The following PTPRD variants were observed in gnomAD, a reference collection of about 807,000 sequenced individuals.
PTPRD encodes protein tyrosine phosphatase receptor type D.
A neutral mutation model predicts 214.5 loss-of-function variants in PTPRD; 34 were observed. That is an observed-to-expected ratio of 0.16 (90% CI 0.12 to 0.21). The LOEUF is 0.21. Among genes scored for constraint, PTPRD ranks in the 10% least tolerant of loss-of-function variants. PTPRD has a pLI of 1.00. For missense variants in PTPRD, 2,545 were observed against 2,398.7 expected, an observed-to-expected ratio of 1.06 and a Z score of -1.27; for synonymous variants, 1,128 against 845.7, an observed-to-expected ratio of 1.33 and a Z score of -5.79.
intron 35 of PTPRD, among the ~76,000 whole-genome samples, chr9:8,412,641 A>T (rs1390078839): frequency 6.6e-6 from 1 of 152,176 alleles, no homozygotes; most frequent in Admixed American, 6.5e-5. Context: ...TGTGACTTGT[A>T]TAAGAACATC....
chr9:8,385,351 A>T (rs1430349310), intron 37 of PTPRD, among the ~76,000 whole-genome samples: 1 of 152,036 alleles, frequency 6.6e-6, no homozygotes, highest in African/African-American at 2.4e-5. Context: ...AAAAAGTGAG[A>T]CTCTGTCTCT....
chr9:8,905,941 A>C (rs916255782), intron 11 of PTPRD, among the ~76,000 whole-genome samples: 3 of 152,180 alleles, frequency 2.0e-5, no homozygotes, highest in Non-Finnish European at 2.9e-5. Context: ...ATCACCATAG[A>C]CCAGCTTCAT....
chr9:9,174,478 T>G (rs1458847241), intron 10 of PTPRD, among the ~76,000 whole-genome samples: 1 of 152,190 alleles, frequency 6.6e-6, no homozygotes, highest in African/African-American at 2.4e-5. Flanking sequence ...AGTTATGTTA[T>G]TCCAAATGTG....
chr9:10,570,822 T>G (rs545542210), intron 2 of PTPRD, among the ~76,000 whole-genome samples: 1 of 152,186 alleles, frequency 6.6e-6, no homozygotes, highest in South Asian at 2.1e-4. Flanking sequence ...ATTGGCTTAC[T>G]ATCTCCTATG....
At chr9:9,562,339 G>A (rs1189473964) in intron 8 of PTPRD, among the ~76,000 whole-genome samples, 1 of 152,026 alleles carries the variant, frequency 6.6e-6, no homozygotes, top group African/African-American at 2.4e-5. Context: ...CACTATTCTG[G>A]ATGAAGCCCC....
intron 9 of PTPRD, among the ~76,000 whole-genome samples, chr9:9,254,794 T>C (rs1157637215): frequency 6.6e-6 from 1 of 152,076 alleles, no homozygotes; most frequent in Non-Finnish European, 1.5e-5. Flanking sequence ...TTCCTTTTAC[T>C]TTTTGTTCCT....
intron 9 of PTPRD, among the ~76,000 whole-genome samples, chr9:9,352,037 G>T (rs1345952103): frequency 1.3e-5 from 2 of 151,702 alleles, no homozygotes; most frequent in African/African-American, 2.4e-5. Flanking sequence ...CAAACTCTTA[G>T]CCCCAAGGAA....
At chr9:8,512,758 T>C (rs2097706888) in intron 21 of PTPRD, among the ~76,000 whole-genome samples, 1 of 152,004 alleles carries the variant, frequency 6.6e-6, no homozygotes, top group Non-Finnish European at 1.5e-5. Flanking sequence ...ATAGATGTAA[T>C]TAGAGGTCAG....
At chr9:9,488,685 T>C (rs1031576603) in intron 8 of PTPRD, among the ~76,000 whole-genome samples, 1 of 152,234 alleles carries the variant, frequency 6.6e-6, no homozygotes, top group Non-Finnish European at 1.5e-5. Flanking sequence ...GTATATCTGA[T>C]GTAAACATTT....
intron 8 of PTPRD, among the ~76,000 whole-genome samples, chr9:9,478,790 A>C (rs2095249360): frequency 6.6e-6 from 1 of 152,232 alleles, no homozygotes; most frequent in African/African-American, 2.4e-5. Context: ...CTTCTTTGTT[A>C]AAGATGCTGC....
chr9:8,905,712 C>A (rs1231166441), intron 11 of PTPRD, among the ~76,000 whole-genome samples: 2 of 144,474 alleles, frequency 1.4e-5, no homozygotes, highest in African/African-American at 5.3e-5. Context: ...GCATTCCAGC[C>A]TGGGAGACAG....
intron 5 of PTPRD, among the ~76,000 whole-genome samples, chr9:9,866,204 T>C (rs974644186): frequency 2.0e-5 from 3 of 152,244 alleles, no homozygotes; most frequent in African/African-American, 7.2e-5. Context: ...TGTTAGTAAT[T>C]TGTACTACAC....
chr9:10,306,054 A>C (rs1565176678), intron 3 of PTPRD, among the ~76,000 whole-genome samples: 1 of 152,182 alleles, frequency 6.6e-6, no homozygotes, highest in Non-Finnish European at 1.5e-5. Flanking sequence ...TGGATAAAGA[A>C]AATGTGGCAC....
At chr9:9,971,850 A>T (rs2095119797) in intron 4 of PTPRD, among the ~76,000 whole-genome samples, 1 of 152,182 alleles carries the variant, frequency 6.6e-6, no homozygotes, top group Non-Finnish European at 1.5e-5. Flanking sequence ...CTCTCGGGGC[A>T]TATTTGGGAT....
At chr9:9,417,595 A>T (rs1229629503) in intron 8 of PTPRD, among the ~76,000 whole-genome samples, 1 of 152,134 alleles carries the variant, frequency 6.6e-6, no homozygotes, top group African/African-American at 2.4e-5. Context: ...AATTGAAAGA[A>T]ACCTGAGGGA....
intron 3 of PTPRD, among the ~76,000 whole-genome samples, chr9:10,189,249 G>T (rs1593574461): frequency 6.6e-6 from 1 of 152,162 alleles, no homozygotes. Context: ...GAATTGCCCT[G>T]CTGCCACTTT....
chr9:9,833,470 G>A (rs538020238), intron 5 of PTPRD, among the ~76,000 whole-genome samples: 37 of 152,052 alleles, frequency 2.4e-4, no homozygotes, highest in Non-Finnish European at 7.4e-5. Flanking sequence ...CAGGACCACA[G>A]GACCGAGGCG....
At chr9:8,649,944 G>GTTT (rs1226083988) in intron 12 of PTPRD, among the ~76,000 whole-genome samples, 1 of 151,926 alleles carries the variant, frequency 6.6e-6, no homozygotes, top group African/African-American at 2.4e-5. Flanking sequence ...TTGAGACAGG[G>GTTT]TTTTACTCTG....
At chr9:9,738,874 T>A (rs912689211) in intron 6 of PTPRD, among the ~76,000 whole-genome samples, 2 of 152,160 alleles carry the variant, frequency 1.3e-5, no homozygotes, top group Non-Finnish European at 2.9e-5. Flanking sequence ...TATTATTTTA[T>A]CCCAATAATG....
Sources: gnomAD v4.1 joint callset for allele counts (sites outside exome capture counted in the v4.1 genomes callset) on GRCh38, gnomAD v4.1.1 for gene constraint, MANE v1.5 for transcripts, NCBI Gene and HGNC (gene_info 2026-07-23, HGNC 2026-07-21) for gene names.